The following FAM135B variants were observed in gnomAD, a reference collection of about 807,000 sequenced individuals.
FAM135B encodes the protein family with sequence similarity 135 member B.
FAM135B carries 43 observed loss-of-function variants against 127.7 expected under a neutral mutation model. The ratio of observed to expected loss-of-function variants is 0.34; its 90% CI spans 0.26 to 0.43. The LOEUF (loss-of-function observed/expected upper bound fraction) is 0.43. Among genes scored for constraint, FAM135B ranks in the 20% least tolerant of loss-of-function variants. The probability of loss-of-function intolerance (pLI) is 1.00; values close to 1 mark genes in which losing one functional copy is unlikely to be tolerated. For missense variants in FAM135B, 1,558 were observed against 1,725.6 expected (o/e 0.90, Z 1.72); for synonymous variants, 670 against 665.1 (o/e 1.01, Z -0.11).
intron 1 of FAM135B, among the ~76,000 whole-genome samples, chr8:138,377,941 A>C (rs1241342971): frequency 3.3e-5 from 5 of 152,234 alleles, no homozygotes; most frequent in Non-Finnish European, 5.9e-5. Flanking sequence ...CCAGGCAAAC[A>C]ATCTTATTAG....
intron 9 of FAM135B, among the ~76,000 whole-genome samples, chr8:138,189,763 G>C (rs1394028070): frequency 1.3e-5 from 2 of 152,142 alleles, no homozygotes; most frequent in Non-Finnish European, 2.9e-5. Context: ...CAGTGCCTAC[G>C]CTCCAGTTCC....
chr8:138,257,448 T>C (rs1822181166), intron 4 of FAM135B, among the ~76,000 whole-genome samples: 1 of 152,160 alleles, frequency 6.6e-6, no homozygotes, highest in South Asian at 2.1e-4. Flanking sequence ...ATCTTTATTC[T>C]TCGTGTCAGT....
In FAM135B at chr8:138,152,301, C is replaced by A. The variant is rs771264705; in HGVS notation, c.2174G>T (p.Arg725Leu). 6.2e-7 allele frequency: 1 copy of A among 1,614,116 alleles called. No individual in the cohort carries two copies. The highest frequency in any genetic ancestry group is 8.5e-7 in the Non-Finnish European group (1 of 1,180,040). ...HPFVRRHALH[R>L]NSLEGGHTES... ...TGTGTGTCCACCCTCTAGGGAGTTC[C>A]GGTGGAGGGCATGTCTTCGAACAAA... Residue 725 changes from arginine (R) to leucine (L), a missense_variant, in exon 13 of 20, where the codon CGG becomes CTG. Arg to Leu is a moderately radical substitution (Grantham distance 102). This residue lies in a region of FAM135B where 923 missense variants were observed against 865.3 expected (regional missense o/e 1.07). Coordinates refer to ENST00000395297, the MANE Select transcript of FAM135B (RefSeq NM_015912.4).
chr8:138,279,262 C>T (rs1282908396), intron 3 of FAM135B, among the ~76,000 whole-genome samples: 1 of 152,238 alleles, frequency 6.6e-6, no homozygotes, highest in Non-Finnish European at 1.5e-5. Context: ...ACTTGTTCCT[C>T]CGAGCAGCAG....
intron 1 of FAM135B, among the ~76,000 whole-genome samples, chr8:138,495,519 C>T (rs977463908): frequency 6.6e-6 from 1 of 152,190 alleles, no homozygotes; most frequent in African/African-American, 2.4e-5. Context: ...AGCCTTTTAA[C>T]TGGGACTTAG....
At chr8:138,264,155 T>C (rs1478885510) in intron 4 of FAM135B, among the ~76,000 whole-genome samples, 1 of 152,178 alleles carries the variant, frequency 6.6e-6, no homozygotes, top group African/African-American at 2.4e-5. Flanking sequence ...GTCCTTACTG[T>C]GCTCTCCTCC....
intron 1 of FAM135B, chr8:138,437,527 G>A (rs1272241379): frequency 7.2e-5 from 11 of 152,118 alleles, no homozygotes; most frequent in Non-Finnish European, 1.6e-4. Context: ...ATGATTGTAA[G>A]CTTCCTGAGG....
At chr8:138,299,197 T>C (rs1047670149) in intron 3 of FAM135B, among the ~76,000 whole-genome samples, 11 of 152,182 alleles carry the variant, frequency 7.2e-5, no homozygotes, top group Admixed American at 2.6e-4. Flanking sequence ...ATTTTAATTA[T>C]ATTAAAATTT....
chr8:138,418,860 GA>G (rs71582016), intron 1 of FAM135B, among the ~76,000 whole-genome samples: 9,112 of 45,634 alleles, frequency 0.2, 669 homozygotes, highest in East Asian at 0.43. Flanking sequence ...GCTAAACATA[GA>G]AAAAAAAAAC....
chr8:138,213,950 G>A (rs1052985945), intron 7 of FAM135B, among the ~76,000 whole-genome samples: 4 of 72,200 alleles, frequency 5.5e-5, no homozygotes, highest in Non-Finnish European at 8.4e-5. Flanking sequence ...GTGGTGTTCA[G>A]GATGGCTTTG....
intron 3 of FAM135B, among the ~76,000 whole-genome samples, chr8:138,288,395 G>A (rs369120296): frequency 6.6e-6 from 1 of 152,088 alleles, no homozygotes; most frequent in Non-Finnish European, 1.5e-5. Context: ...GGGGATATCC[G>A]GGGTGCTGTG....
intron 3 of FAM135B, among the ~76,000 whole-genome samples, chr8:138,284,451 T>G (rs1305944333): frequency 6.6e-6 from 1 of 152,126 alleles, no homozygotes; most frequent in Non-Finnish European, 1.5e-5. Flanking sequence ...CTTCAGCATC[T>G]TTCCACTCCA....
intron 9 of FAM135B, among the ~76,000 whole-genome samples, chr8:138,180,588 C>G (rs549615760): frequency 1.3e-5 from 2 of 152,126 alleles, no homozygotes; most frequent in Admixed American, 6.6e-5. Flanking sequence ...AGACTGAAGA[C>G]TAGTGCTAGA....
intron 1 of FAM135B, among the ~76,000 whole-genome samples, chr8:138,405,635 C>T (rs550112384): frequency 2.2e-4 from 34 of 152,214 alleles, no homozygotes; most frequent in African/African-American, 8.2e-4. Flanking sequence ...TGGGTTGGTT[C>T]CAAATCTTTG....
At chr8:138,354,919 G>A (rs1229061179) in intron 2 of FAM135B, among the ~76,000 whole-genome samples, 1 of 151,964 alleles carries the variant, frequency 6.6e-6, no homozygotes, top group African/African-American at 2.4e-5. Flanking sequence ...ATGCAGGTTT[G>A]TTACATATGT....
intron 2 of FAM135B, among the ~76,000 whole-genome samples, chr8:138,312,031 C>T (rs958867210): frequency 2.6e-5 from 4 of 152,174 alleles, no homozygotes; most frequent in Non-Finnish European, 5.9e-5. Flanking sequence ...ACTACAACAT[C>T]TGCCTCCTGG....
chr8:138,393,284 CAG>C (rs1393525896), intron 1 of FAM135B, among the ~76,000 whole-genome samples: 3 of 152,118 alleles, frequency 2.0e-5, no homozygotes, highest in African/African-American at 7.2e-5. Context: ...TTCTTCCCAA[CAG>C]AGTCAAGTGA....
chr8:138,251,071 C>T (rs1265402255), intron 5 of FAM135B, 57 bp from the exon 6 acceptor site: 2 of 1,595,860 alleles, frequency 1.3e-6, no homozygotes, highest in Non-Finnish European at 1.7e-6. Flanking sequence ...CTGCTGTCCT[C>T]CTAGCATGTC....
chr8:138,452,528 C>T (rs7014534), intron 1 of FAM135B, among the ~76,000 whole-genome samples: 64,907 of 151,886 alleles, frequency 0.43, 14,545 homozygotes, highest in Non-Finnish European at 0.47. Context: ...AGAAGTGGCG[C>T]GAGCTTCAGC....
Sources: allele counts gnomAD v4.1 joint callset (sites outside exome capture counted in the v4.1 genomes callset), GRCh38; gene constraint gnomAD v4.1.1; regional missense constraint gnomAD v4.1.1; transcripts MANE v1.5; gene names NCBI Gene and HGNC (gene_info 2026-07-23, HGNC 2026-07-21).